Variants in BCKDHA observed in about 807,000 individuals in gnomAD.
BCKDHA encodes 2-oxoisovalerate dehydrogenase subunit alpha, mitochondrial.
In BCKDHA, 43 loss-of-function variants were observed where a neutral mutation model predicts 52.2. That is an observed-to-expected ratio of 0.82 (90% CI 0.64 to 1.06). BCKDHA has a LOEUF of 1.06. BCKDHA is among the 50% of genes least tolerant of loss of function. The pLI is 0.00. For missense variants in BCKDHA, 527 were observed against 621.3 expected, an observed-to-expected ratio of 0.85 and a Z score of 1.61; for synonymous variants, 234 against 247.9, an observed-to-expected ratio of 0.94 and a Z score of 0.53.
At chr19:41,423,992 TAA>T (rs1325842049) in intron 8 of BCKDHA, among the ~76,000 whole-genome samples, 5 of 140,978 alleles carry the variant, frequency 3.5e-5, no homozygotes, top group Admixed American at 7.1e-5. Context: ...GACTATCTCT[TAA>T]AAAAAAAAAA....
intron 1 of BCKDHA, chr19:41,399,331 C>CTTTTTTTT: frequency 1.1e-5 from 1 of 91,860 alleles, no homozygotes; most frequent in Non-Finnish European, 2.1e-5. Flanking sequence ...GACCTTTTCA[C>CTTTTTTTT]TTTTTTTTTT....
At chr19:41,410,862 C>T (rs780819372) in intron 2 of BCKDHA, 46 bp downstream of exon 2, 10 of 1,613,602 alleles carry the variant, frequency 6.2e-6, no homozygotes, top group Non-Finnish European at 8.5e-6. Context: ...ACGCCCAGGC[C>T]CCTTGCCTGT....
chr19:41,420,337 G>A lies in BCKDHA; in HGVS notation c.646+1041G>A, dbSNP rs116710207. 2.6e-3 allele frequency among the ~76,000 whole-genome samples: 402 copies of A among 152,300 alleles called. 1 individual carries two copies. Among genetic ancestry groups the A allele is most frequent in the African/African-American group, 9.3e-3 (385 of 41,574 alleles). On this transcript the variant is annotated intron_variant, in intron 5 of 8. Transcript: ENST00000269980. Reference sequence around the variant, plus strand: ...TTTGCTCTTGTTCCTGTTTTCAAGAGCAGGATGCCCGTGTTTTGTGTGTGT... The same window carrying A: ...TTTGCTCTTGTTCCTGTTTTCAAGAACAGGATGCCCGTGTTTTGTGTGTGT...
At chr19:41,414,254 T>C in intron 4 of BCKDHA, 97 bp downstream of exon 4, 1 of 1,204,190 alleles carries the variant, frequency 8.3e-7, no homozygotes. Flanking sequence ...GCCAGGAAGG[T>C]CTAAGGAGCT....
intron 1 of BCKDHA, among the ~76,000 whole-genome samples, chr19:41,402,122 C>G (rs929507306): frequency 3.3e-5 from 5 of 152,180 alleles, no homozygotes; most frequent in African/African-American, 1.2e-4. Context: ...ATAAAACCAT[C>G]AGATCTCGTG....
At chr19:41,407,559 C>T (rs2039206902) in intron 1 of BCKDHA, among the ~76,000 whole-genome samples, 1 of 152,206 alleles carries the variant, frequency 6.6e-6, no homozygotes, top group South Asian at 2.1e-4. Flanking sequence ...CGGCTGTTTC[C>T]TCCTCACAAG....
intron 3 of BCKDHA, among the ~76,000 whole-genome samples, chr19:41,412,400 C>CTTTTTTTTTTTTTTTTTTTTTTTTTGTT (rs1555765814): frequency 1.7e-5 from 1 of 58,124 alleles, no homozygotes; most frequent in Non-Finnish European, 3.3e-5. Flanking sequence ...TTTTTTTTTA[C>CTTTTTTTTTTTTTTTTTTTTTTTTTGTT]TTTTGAGATG....
In BCKDHA at chr19:41,419,298, T is replaced by C. The variant is rs752322921; in HGVS notation, c.646+2T>C. 6.2e-7 allele frequency: 1 copy of C among 1,611,694 alleles called. No individual in the cohort carries two copies. The highest frequency in any genetic ancestry group is 1.1e-5 in the South Asian group (1 of 90,656). On this transcript the variant is annotated splice_donor_variant, in intron 5 of 8. Transcript: ENST00000269980. LOFTEE classifies it high-confidence loss of function. ...CACTGGCCACGCAGATCCCTCAGGGTGAGGATGCATGCCCTGTACCTTGCA... is the reference window on the plus strand; with the variant it reads ...CACTGGCCACGCAGATCCCTCAGGGCGAGGATGCATGCCCTGTACCTTGCA...
At chr19:41,398,844 C>A (rs1337125123) in intron 1 of BCKDHA, among the ~76,000 whole-genome samples, 1 of 152,074 alleles carries the variant, frequency 6.6e-6, no homozygotes, top group East Asian at 1.9e-4. Context: ...GGCCAACGGA[C>A]TGCACTTCTC....
At chr19:41,419,746 C>CTTTTT (rs201343587) in intron 5 of BCKDHA, among the ~76,000 whole-genome samples, 6 of 127,936 alleles carry the variant, frequency 4.7e-5, no homozygotes, top group Non-Finnish European at 8.7e-5. Flanking sequence ...GCCCAGCCCA[C>CTTTTT]TTTTTTTTTT....
In BCKDHA at chr19:41,419,257, G is replaced by C; in HGVS notation, c.607G>C (p.Val203Leu). The C allele has an allele frequency of 6.2e-7, 1 of 1,614,122 alleles. No individual in the cohort carries two copies. The highest frequency in any genetic ancestry group is 8.5e-7 in the Non-Finnish European group (1 of 1,180,000). The change falls in exon 5 of 9, where the codon GTC (valine) becomes CTC (leucine). Residue 203 changes from valine (V) to leucine (L), a missense_variant. By Grantham distance (32) the Val-to-Leu change is conservative. Coordinates refer to ENST00000269980, the MANE Select transcript of BCKDHA (RefSeq NM_000709.4). The stretch of plus-strand genomic sequence containing the variant: ...CTACGGCTGCAAGGAACGCCACTTC[G>C]TCACTATCTCCTCTCCACTGGCCAC... ...VHYGCKERHF[V>L]TISSPLATQI...
chr19:41,418,932 A>C (rs758451412), intron 4 of BCKDHA: 6 of 610,150 alleles, frequency 9.8e-6, no homozygotes, highest in Non-Finnish European at 1.7e-5. Flanking sequence ...AAGAGAAAGA[A>C]AGAAAAAGGC....
In BCKDHA at chr19:41,405,115, T is replaced by C. The variant is rs78924883; in HGVS notation, c.109-5522T>C. Among the ~76,000 whole-genome samples the C allele has an allele frequency of 8.1e-3, 1,236 of 152,242 alleles. 17 individuals are homozygous for C. Among genetic ancestry groups the C allele is most frequent in the African/African-American group, 0.028 (1,168 of 41,552 alleles). On this transcript the variant is annotated intron_variant, in intron 1 of 8. Coordinates refer to ENST00000269980, the MANE Select transcript of BCKDHA (RefSeq NM_000709.4). Reference sequence around the variant, plus strand: ...AGTATCTGTTTAACAAGAACAATCATGAGAAATACTTACTCACTACTTGTG... The same window carrying C: ...AGTATCTGTTTAACAAGAACAATCACGAGAAATACTTACTCACTACTTGTG...
In BCKDHA at chr19:41,410,705, G is replaced by A. The variant is rs750926317; in HGVS notation, c.177G>A (p.Ala59=). 3.7e-6 allele frequency: 6 copies of A among 1,614,060 alleles called. No individual in the cohort carries two copies. The highest frequency in any genetic ancestry group is 4.2e-6 in the Non-Finnish European group (5 of 1,180,040). Residue 59 remains alanine, a synonymous_variant, in exon 2 of 9, where the codon GCG becomes GCA. Transcript: ENST00000269980. ...DDKPQFPGAS[A]EFIDKLEFIQ... ...AGCCCCAGTTCCCAGGGGCCTCGGC[G>A]GAGTTTATAGATAAGTTGGAATTCA...
chr19:41,419,591 A>G (rs1430439462), intron 5 of BCKDHA, among the ~76,000 whole-genome samples: 1 of 152,032 alleles, frequency 6.6e-6, no homozygotes, highest in Admixed American at 6.6e-5. Context: ...ACAGGTGTGC[A>G]CCACCACGCC....
At chr19:41,412,561 A>T (rs1368210938) in intron 3 of BCKDHA, among the ~76,000 whole-genome samples, 1 of 150,162 alleles carries the variant, frequency 6.7e-6, no homozygotes, top group Non-Finnish European at 1.5e-5. Flanking sequence ...TATTTTTAGT[A>T]GAGATGGGGT....
intron 3 of BCKDHA, among the ~76,000 whole-genome samples, chr19:41,411,675 T>G (rs911153643): frequency 2.0e-5 from 3 of 152,176 alleles, no homozygotes; most frequent in African/African-American, 7.2e-5. Flanking sequence ...GAGAAATGTA[T>G]TAATAATACT....
At chr19:41,423,652 T>C (rs2039395094) in intron 8 of BCKDHA, among the ~76,000 whole-genome samples, 1 of 152,094 alleles carries the variant, frequency 6.6e-6, no homozygotes, top group Non-Finnish European at 1.5e-5. Flanking sequence ...GCCAACATGG[T>C]GAAACCTCGT....
intron 1 of BCKDHA, among the ~76,000 whole-genome samples, chr19:41,402,956 C>G (rs1465923918): frequency 6.6e-6 from 1 of 152,084 alleles, no homozygotes; most frequent in African/African-American, 2.4e-5. Context: ...GGTGATTTTT[C>G]TTGTCTTTCG....
Sources: gnomAD v4.1 joint callset for allele counts (sites outside exome capture counted in the v4.1 genomes callset) on GRCh38, gnomAD v4.1.1 for gene constraint, MANE v1.5 for transcripts, NCBI Gene and HGNC (gene_info 2026-07-23, HGNC 2026-07-21) for gene names.